The following TRAPPC3L variants were observed in gnomAD, a reference collection of about 807,000 sequenced individuals.
The protein encoded by TRAPPC3L is trafficking protein particle complex subunit 3-like protein.
In TRAPPC3L, 23 loss-of-function variants were observed where a neutral mutation model predicts 23.7. That is an observed-to-expected ratio of 0.97 (90% CI 0.70 to 1.37). The LOEUF is 1.37. Among genes scored for constraint, TRAPPC3L ranks in the 40% most tolerant of loss-of-function variants. The pLI is 0.00. For synonymous variants in TRAPPC3L, 81 were observed against 77.9 expected (o/e 1.04, Z -0.21); for missense variants, 212 against 216.8 (o/e 0.98, Z 0.14).
Position 116,496,781 on chromosome 6 carries a change from A to G in TRAPPC3L, c.*173T>C. 1.1e-6 allele frequency: 1 copy of G among 887,742 alleles called. No homozygotes were observed. The highest frequency in any genetic ancestry group is 1.6e-6 in the Non-Finnish European group (1 of 634,456). The allele number at this position is 887,742 out of a possible 1,614,324, so 55.0% of individuals were successfully genotyped here. A position where few individuals can be genotyped will look rare whatever the true frequency, so the allele number is the denominator to read the frequency against. On this transcript the variant is annotated 3_prime_UTR_variant, in exon 5 of 5. Transcript: ENST00000368602. ...ATGAGATTGAAAATGCGTGATTTATAAGCAAAAGGAAAAAAAAACCTTTAA... is the reference window on the plus strand; with the variant it reads ...ATGAGATTGAAAATGCGTGATTTATGAGCAAAAGGAAAAAAAAACCTTTAA...
chr6:116,503,829 A>G (rs1225647192), intron 3 of TRAPPC3L, among the ~76,000 whole-genome samples: 1 of 152,234 alleles, frequency 6.6e-6, no homozygotes, highest in East Asian at 1.9e-4. Flanking sequence ...ACCAATGAGA[A>G]AAAAGGCACA....
At chr6:116,514,290 T>C (rs181684623) in intron 3 of TRAPPC3L, among the ~76,000 whole-genome samples, 88 of 152,176 alleles carry the variant, frequency 5.8e-4, no homozygotes, top group Middle Eastern at 3.4e-3. Context: ...TACAGAAGCC[T>C]CAGCTGTGGA....
At chr6:116,508,668 C>T (rs1276682977) in intron 3 of TRAPPC3L, among the ~76,000 whole-genome samples, 1 of 152,078 alleles carries the variant, frequency 6.6e-6, no homozygotes, top group Admixed American at 6.6e-5. Context: ...ATGTAAAATG[C>T]ACATATCCCA....
At chr6:116,530,806 C>T (rs1288215967) in intron 3 of TRAPPC3L, among the ~76,000 whole-genome samples, 7 of 150,584 alleles carry the variant, frequency 4.6e-5, no homozygotes, top group South Asian at 4.2e-4. Context: ...ACACTAGTTA[C>T]GTGCCCCAAA....
intron 3 of TRAPPC3L, chr6:116,528,898 CAAAG>C (rs1218300524): frequency 6.6e-6 from 1 of 152,188 alleles, no homozygotes; most frequent in Non-Finnish European, 1.5e-5. Flanking sequence ...ACAGGACGAG[CAAAG>C]AAAGATTTTA....
chr6:116,512,085 G>A (rs1167148881), intron 3 of TRAPPC3L: 14 of 1,613,948 alleles, frequency 8.7e-6, no homozygotes, highest in Non-Finnish European at 1.2e-5. Context: ...TGTGCCATGA[G>A]CGGGACGAGA....
chr6:116,540,254 C>T, intron 3 of TRAPPC3L, 109 bp downstream of exon 3: 1 of 1,004,396 alleles, frequency 1.0e-6, no homozygotes, highest in East Asian at 2.6e-5. Flanking sequence ...TTCTCAGCAC[C>T]TAACAATGAA....
intron 3 of TRAPPC3L, chr6:116,520,248 C>T (rs1199491311): frequency 1.3e-5 from 2 of 151,982 alleles, no homozygotes; most frequent in East Asian, 1.9e-4. Flanking sequence ...AAACTGCTAC[C>T]GCTTCTCACA....
chr6:116,542,750 A>G, intron 2 of TRAPPC3L, among the ~76,000 whole-genome samples: 1 of 152,244 alleles, frequency 6.6e-6, no homozygotes, highest in Middle Eastern at 3.4e-3. Context: ...TATGTTTTTT[A>G]AGAAAAGCAT....
intron 3 of TRAPPC3L, among the ~76,000 whole-genome samples, chr6:116,509,556 A>G (rs571070583): frequency 2.0e-3 from 311 of 152,284 alleles, no homozygotes; most frequent in Non-Finnish European, 3.4e-3. Context: ...GACAAAGCAT[A>G]CAAAAACATA....
chr6:116,499,853 GATTCTTTAAAGACAGCAACT>G (rs1442742828), intron 4 of TRAPPC3L, among the ~76,000 whole-genome samples: 2 of 152,210 alleles, frequency 1.3e-5, no homozygotes, highest in Non-Finnish European at 2.9e-5. Flanking sequence ...TTAGACAGAA[GATTCTTTAAAGACAGCAACT>G]ATGTCTTGTT....
At chr6:116,535,979 G>A (rs2115213284) in intron 3 of TRAPPC3L, among the ~76,000 whole-genome samples, 1 of 152,202 alleles carries the variant, frequency 6.6e-6, no homozygotes, top group East Asian at 1.9e-4. Context: ...GTTCTTATAA[G>A]GGAAATACAG....
intron 3 of TRAPPC3L, among the ~76,000 whole-genome samples, chr6:116,529,878 G>A (rs1275232867): frequency 6.6e-6 from 1 of 152,168 alleles, no homozygotes; most frequent in East Asian, 1.9e-4. Flanking sequence ...AGTAAGTTGT[G>A]TGTAAGAGGA....
intron 3 of TRAPPC3L, among the ~76,000 whole-genome samples, chr6:116,505,907 T>C (rs1771997732): frequency 1.3e-5 from 2 of 152,140 alleles, no homozygotes; most frequent in South Asian, 4.1e-4. Context: ...CCTAAAACCA[T>C]GAAAATCCTA....
At chr6:116,505,619 T>A (rs1391022216) in intron 3 of TRAPPC3L, among the ~76,000 whole-genome samples, 1 of 152,098 alleles carries the variant, frequency 6.6e-6, no homozygotes, top group Non-Finnish European at 1.5e-5. Flanking sequence ...CTTCAAACTA[T>A]ACTACAAGGT....
At chr6:116,540,091 T>A (rs1014552534) in intron 3 of TRAPPC3L, among the ~76,000 whole-genome samples, 1 of 152,206 alleles carries the variant, frequency 6.6e-6, no homozygotes, top group Non-Finnish European at 1.5e-5. Context: ...ACTCCCCTTC[T>A]GTTTACCTTC....
intron 3 of TRAPPC3L, chr6:116,519,338 G>A (rs891620134): frequency 5.3e-5 from 8 of 152,252 alleles, no homozygotes; most frequent in South Asian, 4.2e-4. Flanking sequence ...GACCTATGGG[G>A]GGGCTCTGGA....
At chr6:116,505,477 C>T (rs948683313) in intron 3 of TRAPPC3L, among the ~76,000 whole-genome samples, 3 of 152,224 alleles carry the variant, frequency 2.0e-5, no homozygotes, top group Admixed American at 6.5e-5. Context: ...CCATCCCCAT[C>T]AAGCTACCAA....
intron 4 of TRAPPC3L, 167 bp from the exon 5 acceptor site, chr6:116,497,240 G>T: frequency 2.4e-6 from 2 of 822,566 alleles, no homozygotes; most frequent in Non-Finnish European, 3.6e-6. Flanking sequence ...AGATGGTCCA[G>T]CTGTGTGTCA....
Sources: gnomAD v4.1 joint callset for allele counts (sites outside exome capture counted in the v4.1 genomes callset) on GRCh38, gnomAD v4.1.1 for gene constraint, MANE v1.5 for transcripts, NCBI Gene and HGNC (gene_info 2026-07-23, HGNC 2026-07-21) for gene names.